SEC14L1: variants seen among roughly 807,000 people sequenced by gnomAD.
The protein encoded by SEC14L1 is SEC14-like protein 1.
In SEC14L1, 48 loss-of-function variants were observed where a neutral mutation model predicts 85.3. The ratio of observed to expected loss-of-function variants is 0.56; its 90% CI spans 0.45 to 0.72. SEC14L1 has a LOEUF of 0.72. Among genes scored for constraint, SEC14L1 ranks in the 30% least tolerant of loss-of-function variants. The pLI is 0.00. For synonymous variants in SEC14L1, 391 were observed against 355.5 expected (o/e 1.10, Z -1.12); for missense variants, 682 against 921.4 (o/e 0.74, Z 3.36).
At position 77,211,769 on chromosome 17, in the gene SEC14L1, C is replaced by G. The variant is rs1976762362; in HGVS notation, c.1612-181C>G. 4 of 736,324 alleles carry G rather than the reference C, an allele frequency of 5.4e-6. No individual in the cohort carries two copies. The Admixed American group carries it at 1.1e-4, about 20-fold the overall frequency. 45.6% of individuals were successfully genotyped at this position (736,324 alleles called of 1,614,324 possible). On this transcript the variant is annotated intron_variant, in intron 14 of 16. Coordinates refer to ENST00000436233, the MANE Select transcript of SEC14L1 (RefSeq NM_001143998.2). ...CTTGGTGCATGACATGTAGCAGGAT[C>G]CAGCGGTTGAATGGATGGTGGTGTG...
At chr17:77,187,366 C>G (rs1291316145) in intron 3 of SEC14L1, among the ~76,000 whole-genome samples, 2 of 150,894 alleles carry the variant, frequency 1.3e-5, no homozygotes, top group South Asian at 2.1e-4. Flanking sequence ...TCTTACTACC[C>G]TATGCCCCCC....
chr17:77,136,524 G>A (rs1972805881), upstream of SEC14L1, among the ~76,000 whole-genome samples: 1 of 152,212 alleles, frequency 6.6e-6, no homozygotes, highest in African/African-American at 2.4e-5. Context: ...CTCACCGTTT[G>A]TAGCTGGGTG....
At chr17:77,140,324 C>T (rs923945750), upstream of SEC14L1, among the ~76,000 whole-genome samples, 2 of 152,218 alleles carry the variant, frequency 1.3e-5, no homozygotes, top group African/African-American at 4.8e-5. Flanking sequence ...GATGTGTTGA[C>T]AAGGATGCCG....
chr17:77,091,905 G>A (rs1277925613), intron 2 of SEC14L1, among the ~76,000 whole-genome samples: 4 of 151,736 alleles, frequency 2.6e-5, no homozygotes, highest in Admixed American at 6.6e-5. Flanking sequence ...TCCGCCTCCC[G>A]GGTTCAAGCG....
At chr17:77,160,440 G>C (rs1170620569) in intron 3 of SEC14L1, among the ~76,000 whole-genome samples, 1 of 152,194 alleles carries the variant, frequency 6.6e-6, no homozygotes, top group African/African-American at 2.4e-5. Flanking sequence ...AATGGTTTTT[G>C]AATATCATGC....
intron 3 of SEC14L1, chr17:77,185,416 C>T (rs117452323): frequency 3.1e-6 from 3 of 983,252 alleles, no homozygotes; most frequent in East Asian, 1.1e-4. Context: ...TATGAGTCTA[C>T]GTGGATGGAG....
At chr17:77,164,063 G>T (rs758697094) in intron 3 of SEC14L1, among the ~76,000 whole-genome samples, 22 of 152,202 alleles carry the variant, frequency 1.4e-4, no homozygotes, top group Non-Finnish European at 2.8e-4. Flanking sequence ...CTTGTTTATT[G>T]CCCACACTTA....
chr17:77,127,904 C>T (rs1972498418), intron 3 of SEC14L1: 1 of 152,338 alleles, frequency 6.6e-6, no homozygotes, highest in Non-Finnish European at 1.5e-5. Context: ...TGGAGACTAG[C>T]GAGAGGTGGC....
upstream of SEC14L1, among the ~76,000 whole-genome samples, chr17:77,138,534 C>T (rs1972859525): frequency 6.6e-6 from 1 of 152,168 alleles, no homozygotes; most frequent in African/African-American, 2.4e-5. Context: ...GCAGGAGAAT[C>T]ACTTGAACCC....
intron 3 of SEC14L1, among the ~76,000 whole-genome samples, chr17:77,124,133 G>T (rs1972375333): frequency 6.6e-6 from 1 of 152,110 alleles, no homozygotes; most frequent in Non-Finnish European, 1.5e-5. Flanking sequence ...GGAGGCCAAG[G>T]CAGGTGGATC....
At chr17:77,209,727 A>G (rs1219171019) in intron 14 of SEC14L1, 4 of 365,644 alleles carry the variant, frequency 1.1e-5, no homozygotes, top group Middle Eastern at 6.9e-4. Flanking sequence ...CTTGACCTCC[A>G]TTTTACTAAA....
chr17:77,188,297 C>T (rs1370590716), intron 3 of SEC14L1, among the ~76,000 whole-genome samples: 1 of 152,158 alleles, frequency 6.6e-6, no homozygotes, highest in South Asian at 2.1e-4. Flanking sequence ...CTGCTTCGCT[C>T]CTGTCCCCAC....
intron 3 of SEC14L1, among the ~76,000 whole-genome samples, chr17:77,132,504 C>T (rs1051835322): frequency 2.4e-4 from 37 of 152,188 alleles, no homozygotes; most frequent in Admixed American, 1.3e-3. Flanking sequence ...GGATGACAGG[C>T]GTGAGCCACT....
chr17:77,132,876 T>C (rs1204554034), intron 3 of SEC14L1, among the ~76,000 whole-genome samples: 1 of 151,744 alleles, frequency 6.6e-6, no homozygotes, highest in African/African-American at 2.4e-5. Context: ...TTTTTCTTTT[T>C]TTTTGAGACA....
intron 3 of SEC14L1, among the ~76,000 whole-genome samples, chr17:77,130,785 T>C (rs1489819911): frequency 6.6e-6 from 1 of 152,030 alleles, no homozygotes; most frequent in East Asian, 1.9e-4. Flanking sequence ...TTTTGTATTT[T>C]TGTAAAGACA....
Position 77,213,322 on chromosome 17 carries a change from T to C in SEC14L1, c.1872T>C (p.His624=), listed in dbSNP as rs1976863967. Residue 624 remains histidine (H), a synonymous_variant, in exon 16 of 17, where the codon CAT becomes CAC. Transcript: ENST00000436233. This position sits in a 1 kb window ranked among gnomAD's most constrained non-coding sequence, Gnocchi z 7.1. ...CKEGESVQGS[H]VTRWPGFYIL... The stretch of plus-strand genomic sequence containing the variant: ...TGCCCTACTTGTTCTAGGGTTCCCA[T>C]GTGACCAGGTGGCCGGGCTTCTACA... 1.2e-6 allele frequency: 2 copies of C among 1,608,858 alleles called. No individual in the cohort carries two copies. The highest frequency in any genetic ancestry group is 1.7e-5 in the Admixed American group (1 of 59,722).
At chr17:77,110,056 T>A (rs1972013465) in intron 3 of SEC14L1, among the ~76,000 whole-genome samples, 1 of 152,218 alleles carries the variant, frequency 6.6e-6, no homozygotes, top group Non-Finnish European at 1.5e-5. Flanking sequence ...TGCTTCCTTT[T>A]AACTTTTGTC....
At chr17:77,175,954 A>G (rs951498524) in intron 3 of SEC14L1, among the ~76,000 whole-genome samples, 5 of 152,182 alleles carry the variant, frequency 3.3e-5, no homozygotes, top group African/African-American at 1.2e-4. Context: ...AAAAAAGGTT[A>G]AAGTGAAGAC....
intron 3 of SEC14L1, among the ~76,000 whole-genome samples, chr17:77,128,724 G>C (rs973868798): frequency 2.0e-5 from 3 of 152,002 alleles, no homozygotes; most frequent in African/African-American, 7.3e-5. Flanking sequence ...AAAGTGCTGG[G>C]ATTACAGATG....
Sources: allele counts gnomAD v4.1 joint callset (sites outside exome capture counted in the v4.1 genomes callset), GRCh38; gene constraint gnomAD v4.1.1; non-coding constraint Gnocchi (gnomAD v3.1); transcripts MANE v1.5; gene names NCBI Gene and HGNC (gene_info 2026-07-23, HGNC 2026-07-21).